Variants in SAMD14 observed in about 807,000 individuals in gnomAD.
SAMD14 encodes the protein sterile alpha motif domain containing 14, also known as sterile alpha motif domain-containing protein 14.
SAMD14 carries 27 observed loss-of-function variants against 46.2 expected under a neutral mutation model. The ratio of observed to expected loss-of-function variants is 0.58; its 90% CI spans 0.43 to 0.81. SAMD14 has a LOEUF of 0.81. Ranked by LOEUF, SAMD14 falls within the 30% of genes least tolerant of loss-of-function variation. The pLI is 0.00. For missense variants in SAMD14, 559 were observed against 582.2 expected, an observed-to-expected ratio of 0.96 and a Z score of 0.41; for synonymous variants, 241 against 254.3, an observed-to-expected ratio of 0.95 and a Z score of 0.50.
At chr17:50,128,360 A>G (rs73332667) in intron 1 of SAMD14, among the ~76,000 whole-genome samples, 1 of 151,622 alleles carries the variant, frequency 6.6e-6, no homozygotes, top group Non-Finnish European at 1.5e-5. Flanking sequence ...CCCTCCCTAC[A>G]TTGTGTCCAG....
At chr17:50,114,624 C>G in intron 7 of SAMD14, 1 of 588,902 alleles carries the variant, frequency 1.7e-6, no homozygotes. Context: ...GGTCAGGTGT[C>G]TCTGCTATGC....
Position 50,115,904 on chromosome 17 carries a change from C to T in SAMD14, c.588G>A (p.Gly196=), listed in dbSNP as rs375425811. 1.2e-6 allele frequency: 2 copies of T among 1,613,148 alleles called. No individual in the cohort carries two copies. The highest frequency in any genetic ancestry group is 1.7e-6 in the Non-Finnish European group (2 of 1,179,598). ...KKTRRKFLDL[G]VTLRRASTGK... Reference sequence around the variant, plus strand: ...CCGTGGATGCTCGGCGCAGGGTGACCCTGTGGGGAGGCAGCAGGAAGTGGG... The same window carrying T: ...CCGTGGATGCTCGGCGCAGGGTGACTCTGTGGGGAGGCAGCAGGAAGTGGG... The change falls in exon 6 of 10, where the codon GGG becomes GGA. Residue 196 remains glycine, a splice_region_variant and synonymous_variant. Transcript: ENST00000330175. This position sits in a 1 kb window ranked among gnomAD's most constrained non-coding sequence, Gnocchi z 5.3.
At chr17:50,116,403 T>A (rs1419981916) in intron 4 of SAMD14, 7 of 64,406 alleles carry the variant, frequency 1.1e-4, no homozygotes, top group Non-Finnish European at 2.0e-4. Context: ...TGGCCAACTT[T>A]TTTTTTTTTT....
intron 1 of SAMD14, among the ~76,000 whole-genome samples, chr17:50,127,586 C>T (rs535681693): frequency 6.6e-5 from 10 of 150,796 alleles, no homozygotes; most frequent in Admixed American, 1.3e-4. Context: ...GGGCAACAAG[C>T]GCAAAACTCT....
At chr17:50,122,242 A>C (rs1028948109) in intron 2 of SAMD14, among the ~76,000 whole-genome samples, 1 of 152,162 alleles carries the variant, frequency 6.6e-6, no homozygotes, top group Admixed American at 6.5e-5. Flanking sequence ...CTGTCTCCTC[A>C]TGCTGGCCTG....
chr17:50,124,510 C>T (rs1468474197), intron 2 of SAMD14, among the ~76,000 whole-genome samples: 1 of 152,038 alleles, frequency 6.6e-6, no homozygotes, highest in African/African-American at 2.4e-5. Context: ...TAGTCCCAGC[C>T]CTGCCACTAA....
chr17:50,118,179 C>T lies in SAMD14; in HGVS notation c.192G>A (p.Ser64=). Residue 64 remains serine (S), a synonymous_variant, in exon 3 of 10, where the codon TCG becomes TCA. Coordinates refer to ENST00000330175, the MANE Select transcript of SAMD14 (RefSeq NM_001257359.2). The part of the protein sequence containing the change: ...SASSAEDGEG[S]DGPGGKVTDG... ...CCCCAACCTTGCCTCCGGGCCCATC[C>T]GAGCCTTCACCATCCTCCGCGGAGC... The T allele has an allele frequency of 6.2e-7, 1 of 1,603,088 alleles. No individual in the cohort carries two copies. The highest frequency in any genetic ancestry group is 1.1e-5 in the South Asian group (1 of 90,302).
At chr17:50,125,015 T>C (rs1336432918) in intron 1 of SAMD14, 44 bp from the exon 2 acceptor site, 2 of 1,585,522 alleles carry the variant, frequency 1.3e-6, no homozygotes, top group Non-Finnish European at 1.7e-6. Context: ...AGAGCCTGGG[T>C]TAGAGATTCA....
At chr17:50,116,224 G>A (rs1911192379) in intron 4 of SAMD14, 134 bp from the exon 5 acceptor site, 1 of 1,398,260 alleles carries the variant, frequency 7.2e-7, no homozygotes, top group African/African-American at 1.4e-5. Flanking sequence ...CACTAGCTGG[G>A]TGTCCTAGGA....
intron 2 of SAMD14, among the ~76,000 whole-genome samples, chr17:50,120,255 C>T (rs1412287985): frequency 3.3e-5 from 5 of 151,342 alleles, no homozygotes; most frequent in East Asian, 1.9e-4. Flanking sequence ...TTTGTGTATG[C>T]GAATGTATAC....
At chr17:50,124,241 G>T (rs183846702) in intron 2 of SAMD14, 7 of 453,718 alleles carry the variant, frequency 1.5e-5, no homozygotes, top group Non-Finnish European at 2.7e-5. Context: ...AAGATTGCAG[G>T]GGGTAAATGA....
chr17:50,117,595 C>G lies in SAMD14; in HGVS notation c.311G>C (p.Gly104Ala), dbSNP rs1209040086. The change falls in exon 4 of 10, where the codon GGG (glycine) becomes GCG (alanine). Residue 104 changes from glycine (G) to alanine (A), a missense_variant. Gly to Ala is a moderately conservative substitution (Grantham distance 60). Transcript: ENST00000330175. ...GTCCTCGTCCAGGCTGCGCCGCAAC[C>G]CCGGAGGATCCAGGCAGAAAGAGCC... ...AGGSFCLDPP[G>A]LRRSLDEDEP... 1 of 1,555,106 alleles carries G rather than the reference C, an allele frequency of 6.4e-7. No individual in the cohort carries two copies. Among genetic ancestry groups the G allele is most frequent in the African/African-American group, 1.4e-5 (1 of 71,918 alleles).
Position 50,129,156 on chromosome 17 carries a change from C to T in SAMD14, c.-13+361G>A, listed in dbSNP as rs191134671. ...AGATGGGGTGAGGTTGGGGACAGGG[C>T]ACCTACTCCACTCTCAGAGCCCTTC... On this transcript the variant is annotated intron_variant, in intron 1 of 9. Coordinates refer to ENST00000330175, the MANE Select transcript of SAMD14 (RefSeq NM_001257359.2). This position sits in a 1 kb window ranked among gnomAD's most constrained non-coding sequence, Gnocchi z 5.6. Among the ~76,000 whole-genome samples, 1 of 152,068 alleles carries T rather than the reference C, an allele frequency of 6.6e-6. No homozygotes were observed. The highest frequency in any genetic ancestry group is 1.5e-5 in the Non-Finnish European group (1 of 67,990).
Position 50,113,745 on chromosome 17 carries a change from AAAG to A in SAMD14, c.1098+176_1098+178del, listed in dbSNP as rs1227320672. 3 of 650,194 alleles carry A rather than the reference AAAG, an allele frequency of 4.6e-6. No individual in the cohort carries two copies. In the African/African-American group the frequency reaches 5.5e-5, roughly 12 times the overall value. 40.3% of individuals were successfully genotyped at this position (650,194 alleles called of 1,614,324 possible). On this transcript the variant is annotated intron_variant, in intron 9 of 9. Transcript: ENST00000330175. ...AACTAGGGATTCATGCTACAACTCAAAAGATTAGACCAAGGACCTTGCCTAGAG... is the reference window on the plus strand; with the variant it reads ...AACTAGGGATTCATGCTACAACTCAAATTAGACCAAGGACCTTGCCTAGAG...
chr17:50,125,143 A>C, intron 1 of SAMD14, 172 bp from the exon 2 acceptor site: 1 of 620,736 alleles, frequency 1.6e-6, no homozygotes, highest in Non-Finnish European at 2.8e-6. Context: ...ATCATAACCC[A>C]GATGGTGGGC....
Position 50,112,854 on chromosome 17 carries a change from G to A in SAMD14, c.*39C>T. 1 of 1,580,870 alleles carries A rather than the reference G, an allele frequency of 6.3e-7. No homozygotes were observed. On this transcript the variant is annotated 3_prime_UTR_variant, in exon 10 of 10. Coordinates refer to ENST00000330175, the MANE Select transcript of SAMD14 (RefSeq NM_001257359.2). ...TGAGGCCTGTGCCCGCGGAGCCAGTGGCTGCCCCTGCCGGGTGCCAGCGCC... is the reference window on the plus strand; with the variant it reads ...TGAGGCCTGTGCCCGCGGAGCCAGTAGCTGCCCCTGCCGGGTGCCAGCGCC...
At chr17:50,122,543 A>G (rs1053081011) in intron 2 of SAMD14, among the ~76,000 whole-genome samples, 8 of 151,908 alleles carry the variant, frequency 5.3e-5, no homozygotes, top group Non-Finnish European at 1.0e-4. Flanking sequence ...CTGTCCCCCT[A>G]CTTGCCCCTG....
chr17:50,114,226 A>G lies in SAMD14; in HGVS notation c.903T>C (p.Cys301=). The G allele has an allele frequency of 6.2e-7, 1 of 1,614,168 alleles. No individual in the cohort carries two copies. The highest frequency in any genetic ancestry group is 8.5e-7 in the Non-Finnish European group (1 of 1,180,030). Reference sequence around the variant, plus strand: ...GAGACAGCGTGTGGTAGGGGTAAGAACATTTGGCCTCCTGCCAGGGCCCAC... The same window carrying G: ...GAGACAGCGTGTGGTAGGGGTAAGAGCATTTGGCCTCCTGCCAGGGCCCAC... ...IPSGPWQEAK[C]SYPYHTLSQS... The change falls in exon 8 of 10, where the codon TGT becomes TGC. Residue 301 remains cysteine (C), a synonymous_variant. Transcript: ENST00000330175.
At chr17:50,125,488 C>A (rs2144417087) in intron 1 of SAMD14, 1 of 167,658 alleles carries the variant, frequency 6.0e-6, no homozygotes, top group African/African-American at 2.4e-5. Flanking sequence ...GACCCAGGTT[C>A]TACCATCCGT....
Sources: gnomAD v4.1 joint callset for allele counts (sites outside exome capture counted in the v4.1 genomes callset) on GRCh38, gnomAD v4.1.1 for gene constraint, Gnocchi (gnomAD v3.1) non-coding constraint, MANE v1.5 for transcripts, NCBI Gene and HGNC (gene_info 2026-07-23, HGNC 2026-07-21) for gene names.